The following RGS7 variants were observed in gnomAD, a reference collection of about 807,000 sequenced individuals.
RGS7 encodes regulator of G protein signaling 7, also known as regulator of G-protein signaling 7.
A neutral mutation model predicts 81.1 loss-of-function variants in RGS7; 27 were observed. The observed-to-expected ratio is 0.33, with a 90% CI of 0.25 to 0.46. The LOEUF is 0.46. RGS7 is among the 20% of genes least tolerant of loss of function. RGS7 has a pLI of 1.00. For synonymous variants in RGS7, 208 were observed against 207.7 expected, an observed-to-expected ratio of 1.00 and a Z score of -0.01; for missense variants, 396 against 607.4, an observed-to-expected ratio of 0.65 and a Z score of 3.66.
intron 6 of RGS7, among the ~76,000 whole-genome samples, chr1:240,909,977 CT>C (rs1418173311): frequency 6.6e-6 from 1 of 152,154 alleles, no homozygotes; most frequent in Non-Finnish European, 1.5e-5. Context: ...GGTAGCCCTG[CT>C]TTATTAAAGT....
At chr1:241,284,361 G>A (rs1388036706) in intron 2 of RGS7, among the ~76,000 whole-genome samples, 1 of 151,926 alleles carries the variant, frequency 6.6e-6, no homozygotes, top group Admixed American at 6.6e-5. Context: ...TTTGCAACAT[G>A]GCCTCCAATG....
chr1:241,241,865 C>T (rs1303240007), intron 2 of RGS7, among the ~76,000 whole-genome samples: 1 of 152,088 alleles, frequency 6.6e-6, no homozygotes, highest in East Asian at 1.9e-4. Flanking sequence ...ACAAGTAATA[C>T]TGTGTTCGCT....
intron 3 of RGS7, among the ~76,000 whole-genome samples, chr1:241,024,550 A>G (rs1056506759): frequency 6.6e-6 from 1 of 152,222 alleles, no homozygotes; most frequent in Non-Finnish European, 1.5e-5. Flanking sequence ...TTATATTATT[A>G]TTAAGGGCAA....
intron 6 of RGS7, among the ~76,000 whole-genome samples, chr1:240,921,859 A>G (rs1294657327): frequency 6.6e-6 from 1 of 152,104 alleles, no homozygotes; most frequent in Non-Finnish European, 1.5e-5. Context: ...TGCAATCTCC[A>G]TATAAATCCT....
chr1:241,356,784 G>A (rs973951442), intron 1 of RGS7, 115 bp downstream of exon 1: 1 of 149,324 alleles, frequency 6.7e-6, no homozygotes, highest in Non-Finnish European at 1.5e-5. Flanking sequence ...TCCCGGGGGC[G>A]GCCGCCCTGC....
chr1:241,254,502 G>T (rs991747724), intron 2 of RGS7, among the ~76,000 whole-genome samples: 2 of 152,128 alleles, frequency 1.3e-5, no homozygotes, highest in Non-Finnish European at 2.9e-5. Context: ...GCCCTCACAT[G>T]CTGGACAGAC....
chr1:241,066,482 T>C (rs2062068679), intron 3 of RGS7, among the ~76,000 whole-genome samples: 1 of 152,246 alleles, frequency 6.6e-6, no homozygotes, highest in Non-Finnish European at 1.5e-5. Flanking sequence ...TCCTTAGCCA[T>C]ATTCCAAGTT....
At chr1:240,848,131 T>A (rs747406335) in intron 9 of RGS7, among the ~76,000 whole-genome samples, 1 of 152,124 alleles carries the variant, frequency 6.6e-6, no homozygotes, top group East Asian at 1.9e-4. Context: ...TACAGTAGAT[T>A]TTCCCAGATA....
intron 2 of RGS7, among the ~76,000 whole-genome samples, chr1:241,232,858 ACTT>A (rs1470954563): frequency 2.0e-5 from 3 of 152,050 alleles, no homozygotes; most frequent in South Asian, 2.1e-4. Context: ...TACTTCTTGC[ACTT>A]CTTTTCTTAC....
At chr1:240,982,980 G>A (rs961605426) in intron 4 of RGS7, 99 bp downstream of exon 4, 4 of 678,424 alleles carry the variant, frequency 5.9e-6, no homozygotes, top group African/African-American at 5.4e-5. Flanking sequence ...AATTTTTCAG[G>A]AGGTTTGCTT....
chr1:240,946,314 A>G (rs974808800), intron 4 of RGS7, among the ~76,000 whole-genome samples: 2 of 152,160 alleles, frequency 1.3e-5, no homozygotes, highest in African/African-American at 4.8e-5. Context: ...TTAAAGAATT[A>G]AAATCAGGCT....
At chr1:241,201,617 C>CT (rs201522594) in intron 2 of RGS7, among the ~76,000 whole-genome samples, 2,315 of 152,088 alleles carry the variant, frequency 0.015, 53 homozygotes, top group African/African-American at 0.053. Flanking sequence ...ACCAACACCA[C>CT]TTTTTTTTAA....
intron 4 of RGS7, among the ~76,000 whole-genome samples, chr1:240,977,455 T>C (rs1684308510): frequency 6.6e-6 from 1 of 152,240 alleles, no homozygotes; most frequent in South Asian, 2.1e-4. Flanking sequence ...TCTTTTAGAT[T>C]CTTACTGATA....
chr1:240,891,306 T>C (rs987106731), intron 6 of RGS7, among the ~76,000 whole-genome samples: 3 of 152,248 alleles, frequency 2.0e-5, no homozygotes, highest in African/African-American at 7.2e-5. Context: ...GCAATGCAAC[T>C]GATTATCAGT....
intron 6 of RGS7, chr1:240,919,608 C>A (rs1673166376): frequency 3.9e-6 from 1 of 259,066 alleles, no homozygotes; most frequent in Non-Finnish European, 7.4e-6. Flanking sequence ...AAAAAACCTA[C>A]AGCTAATATA....
intron 3 of RGS7, among the ~76,000 whole-genome samples, chr1:241,079,447 C>T (rs955439452): frequency 6.6e-6 from 1 of 151,818 alleles, no homozygotes; most frequent in African/African-American, 2.4e-5. Context: ...AAGAAAAATT[C>T]CATGAAGAAG....
chr1:241,074,671 C>T (rs979613204), intron 3 of RGS7, among the ~76,000 whole-genome samples: 1 of 152,158 alleles, frequency 6.6e-6, no homozygotes, highest in African/African-American at 2.4e-5. Context: ...CTCTGACTTG[C>T]CAAACCTGAG....
intron 3 of RGS7, among the ~76,000 whole-genome samples, chr1:241,065,009 C>A (rs2061978524): frequency 6.6e-6 from 1 of 151,914 alleles, no homozygotes; most frequent in Non-Finnish European, 1.5e-5. Context: ...TCTTTAGCTG[C>A]CTCATCATTG....
chr1:240,993,630 G>A (rs1686848961), intron 3 of RGS7, among the ~76,000 whole-genome samples: 1 of 151,468 alleles, frequency 6.6e-6, no homozygotes, highest in Non-Finnish European at 1.5e-5. Context: ...GTGGTTTACA[G>A]ATAATTTCTT....
Sources: allele counts gnomAD v4.1 joint callset (sites outside exome capture counted in the v4.1 genomes callset), GRCh38; gene constraint gnomAD v4.1.1; transcripts MANE v1.5; gene names NCBI Gene and HGNC (gene_info 2026-07-23, HGNC 2026-07-21).